The following DYNC2I2 variants were observed in gnomAD, a reference collection of about 807,000 sequenced individuals.
The protein encoded by DYNC2I2 is dynein 2 intermediate chain 2.
Under a neutral mutation model 52.0 loss-of-function variants are expected in DYNC2I2, and 39 were observed. That is an observed-to-expected ratio of 0.75 (90% CI 0.58 to 0.98). The LOEUF (loss-of-function observed/expected upper bound fraction) is 0.98, where lower values mean the gene tolerates loss of function less well. Ranked by LOEUF, DYNC2I2 falls within the 50% of genes least tolerant of loss-of-function variation. The pLI, the probability that DYNC2I2 is intolerant of heterozygous loss-of-function variation, is 0.00. For synonymous variants in DYNC2I2, 359 were observed against 321.1 expected, an observed-to-expected ratio of 1.12 and a Z score of -1.26; for missense variants, 743 against 728.4, an observed-to-expected ratio of 1.02 and a Z score of -0.23.
At chr9:128,663,953 T>G in the DYNC2I2 span, among the ~76,000 whole-genome samples, 2 of 105,358 alleles carry the variant, frequency 1.9e-5, no homozygotes, top group Admixed American at 8.6e-5. Flanking sequence ...GCACCCAGGC[T>G]TTTTTTTTTT....
upstream of DYNC2I2, among the ~76,000 whole-genome samples, chr9:128,657,075 C>A (rs958417685): frequency 6.6e-6 from 1 of 152,206 alleles, no homozygotes; most frequent in Non-Finnish European, 1.5e-5. Context: ...GTGGCCGGCC[C>A]GCGAGGTCTG....
At position 128,635,662 on chromosome 9, in the gene DYNC2I2, G is replaced by A. The variant is rs1309002803; in HGVS notation, c.809C>T (p.Ser270Phe). 8 of 1,605,608 alleles carry A rather than the reference G, an allele frequency of 5.0e-6. No individual in the cohort carries two copies. Among genetic ancestry groups the A allele is most frequent in the Non-Finnish European group, 6.8e-6 (8 of 1,175,936 alleles). ...LTDDTHTDPVSQVVWLPEPGH... is the reference protein window; with the variant it reads ...LTDDTHTDPVFQVVWLPEPGH... ...CCCGGCAGCCCCTGCCCTGACCTGG[G>A]ACACAGGGTCTGTGTGGGTGTCATC... Residue 270 changes from serine (S) to phenylalanine (F), a missense_variant, in exon 5 of 9, where the codon TCC (serine) becomes TTC (phenylalanine). Coordinates refer to ENST00000372715, the MANE Select transcript of DYNC2I2 (RefSeq NM_052844.4).
chr9:128,648,131 G>A (rs1443797562), intron 1 of DYNC2I2, among the ~76,000 whole-genome samples: 7 of 152,090 alleles, frequency 4.6e-5, no homozygotes, highest in Non-Finnish European at 8.8e-5. Flanking sequence ...AACACTGGCC[G>A]GGCACAGTGG....
chr9:128,637,041 C>T lies in DYNC2I2; in HGVS notation c.436-14G>A. 1 of 1,604,982 alleles carries T rather than the reference C, an allele frequency of 6.2e-7. No individual in the cohort carries two copies. The highest frequency in any genetic ancestry group is 1.1e-5 in the South Asian group (1 of 90,530). On this transcript the variant is annotated splice_polypyrimidine_tract_variant and intron_variant, in intron 2 of 8. Coordinates refer to ENST00000372715, the MANE Select transcript of DYNC2I2 (RefSeq NM_052844.4). ...CAGACAAGACACCTGCGGAGACGTC[C>T]CCAACCCTGAGTCCAAAGCCACCAG... is the stretch of plus-strand genomic sequence containing the variant.
chr9:128,644,247 A>T (rs998132343), intron 1 of DYNC2I2, among the ~76,000 whole-genome samples: 7 of 150,994 alleles, frequency 4.6e-5, no homozygotes, highest in Non-Finnish European at 1.0e-4. Context: ...TCACACAGCA[A>T]AAGGTGATCG....
At chr9:128,656,858 C>G, upstream of DYNC2I2, 1 of 928,486 alleles carries the variant, frequency 1.1e-6, no homozygotes, top group Non-Finnish European at 1.5e-6. Context: ...TCCTGCAAGA[C>G]CTGGAAGAAA....
chr9:128,668,686 G>A, the DYNC2I2 span, among the ~76,000 whole-genome samples: 11 of 151,898 alleles, frequency 7.2e-5, no homozygotes, highest in African/African-American at 2.2e-4. Context: ...CAGGGATGGT[G>A]GCATGCACCT....
chr9:128,683,967 G>C, the DYNC2I2 span: 3 of 1,557,130 alleles, frequency 1.9e-6, no homozygotes, highest in Non-Finnish European at 2.6e-6. Context: ...CTCTGGGACC[G>C]GAGGAGACAT....
rs528936666 is a variant in DYNC2I2, at chr9:128,656,780, A to T, written c.-54T>A. On this transcript the variant is annotated 5_prime_UTR_variant, in exon 1 of 9. It removes the in-frame stop codon of an upstream open reading frame in the 5' UTR. Transcript: ENST00000372715. ...GCACTCAGGCGCGACCTCCGCCCCTACGCCGCCATGAGCGGAAAACGGGGA... is the reference window on the plus strand; with the variant it reads ...GCACTCAGGCGCGACCTCCGCCCCTTCGCCGCCATGAGCGGAAAACGGGGA... 5.3e-4 allele frequency: 689 copies of T among 1,311,292 alleles called. 12 individuals are homozygous for T. In the South Asian group the frequency reaches 0.013, roughly 25 times the overall value. 81.2% of individuals were successfully genotyped at this position (1,311,292 alleles called of 1,614,324 possible).
chr9:128,684,050 G>A, the DYNC2I2 span: 1 of 1,442,288 alleles, frequency 6.9e-7, no homozygotes, highest in Non-Finnish European at 9.5e-7. Context: ...TAAGGGATTT[G>A]CAAGGATTGA....
rs1860300088 is a variant in DYNC2I2 at position 128,634,174 on chromosome 9, G to T, written c.1372+52C>A. 1.9e-6 allele frequency: 3 copies of T among 1,607,298 alleles called. No homozygotes were observed. The South Asian group carries it at 3.3e-5, about 18-fold the overall frequency. The stretch of plus-strand genomic sequence containing the variant: ...ACCCAGAACCCCAGGTACAAGCAGG[G>T]CCCAGACCACCCACCCCTTAAACAG... On this transcript the variant is annotated intron_variant, in intron 8 of 8. Transcript: ENST00000372715.
chr9:128,684,074 A>AC, the DYNC2I2 span: 10 of 1,284,016 alleles, frequency 7.8e-6, no homozygotes, highest in East Asian at 5.1e-5. Flanking sequence ...TCTGATTTTT[A>AC]CCCCCCAATC....
rs775547736 is a variant in DYNC2I2, at chr9:128,635,199, CGGT to C, written c.871_873del (p.Thr291del). ...CCCTGCCAGAGTAGCACCTTCCCGTCGGTGGCCACACTCAGCACCTGGAAGCGG... is the reference window on the plus strand; with the variant it reads ...CCCTGCCAGAGTAGCACCTTCCCGTCGGCCACACTCAGCACCTGGAAGCGG... On this transcript the variant is annotated inframe_deletion, in exon 6 of 9. Transcript: ENST00000372715. 24 of 1,613,316 alleles carry C rather than the reference CGGT, an allele frequency of 1.5e-5. No individual in the cohort carries two copies. The highest frequency in any genetic ancestry group is 1.9e-5 in the Non-Finnish European group (23 of 1,179,984).
At chr9:128,648,785 G>A (rs1179207713) in intron 1 of DYNC2I2, among the ~76,000 whole-genome samples, 3 of 133,756 alleles carry the variant, frequency 2.2e-5, no homozygotes, top group African/African-American at 7.8e-5. Flanking sequence ...GGGCGACGGA[G>A]GGAGACTCCG....
chr9:128,667,758 G>A, the DYNC2I2 span, among the ~76,000 whole-genome samples: 2 of 146,682 alleles, frequency 1.4e-5, no homozygotes, highest in Admixed American at 1.4e-4. Flanking sequence ...TTTTGAGAGG[G>A]AGTCTCACCC....
chr9:128,683,933 A>T, the DYNC2I2 span: 1 of 1,556,354 alleles, frequency 6.4e-7, no homozygotes. Flanking sequence ...CCGCCTCAAA[A>T]GAAGAAACCA....
the DYNC2I2 span, among the ~76,000 whole-genome samples, chr9:128,671,566 G>C: frequency 6.7e-6 from 1 of 148,500 alleles, no homozygotes; most frequent in Non-Finnish European, 1.5e-5. Context: ...TCTGCCTCCC[G>C]GGTTGAAGTG....
intron 1 of DYNC2I2, among the ~76,000 whole-genome samples, chr9:128,644,937 TGA>T (rs1428504176): frequency 2.0e-5 from 3 of 152,350 alleles, no homozygotes; most frequent in Non-Finnish European, 4.4e-5. Context: ...TGTGCCTACA[TGA>T]GATGGTGAAC....
the DYNC2I2 span, chr9:128,683,444 T>C: frequency 4.4e-6 from 1 of 226,862 alleles, no homozygotes; most frequent in Non-Finnish European, 8.7e-6. Context: ...GTTCCAAGCT[T>C]AGGTGAGGCA....
Sources: gnomAD v4.1 joint callset for allele counts (sites outside exome capture counted in the v4.1 genomes callset) on GRCh38, gnomAD v4.1.1 for gene constraint, MANE v1.5 for transcripts, NCBI Gene and HGNC (gene_info 2026-07-23, HGNC 2026-07-21) for gene names.